Variants in PRH1 observed in about 807,000 individuals in gnomAD.
PRH1 encodes the protein salivary acidic proline-rich phosphoprotein 1/2.
PRH1 carries 7 observed loss-of-function variants against 7.9 expected under a neutral mutation model. That is an observed-to-expected ratio of 0.89 (90% CI 0.50 to 1.67). The LOEUF (loss-of-function observed/expected upper bound fraction) is 1.67, where lower values mean the gene tolerates loss of function less well. PRH1 is among the 40% of genes most tolerant of loss of function. The pLI, the probability that PRH1 is intolerant of heterozygous loss-of-function variation, is 0.00. For synonymous variants in PRH1, 45 were observed against 80.8 expected (o/e 0.56, Z 2.38); for missense variants, 109 against 223.6 (o/e 0.49, Z 3.27).
intron 1 of PRH1, among the ~76,000 whole-genome samples, chr12:11,090,145 A>G (rs1466212198): frequency 6.7e-5 from 7 of 105,028 alleles, no homozygotes; most frequent in South Asian, 2.6e-4. Context: ...AGAACTTCCT[A>G]TTAAAGAATA....
intron 1 of PRH1, among the ~76,000 whole-genome samples, chr12:11,062,504 T>G (rs1022047898): frequency 1.3e-5 from 2 of 152,084 alleles, no homozygotes; most frequent in African/African-American, 4.8e-5. Context: ...ATGGAAAATA[T>G]TCTTATTTTC....
chr12:10,965,393 A>G, intron 2 of PRH1: 1 of 848,480 alleles, frequency 1.2e-6, no homozygotes, highest in Non-Finnish European at 1.7e-6. Flanking sequence ...AAGGCCTAAC[A>G]GCACTGGCTG....
chr12:11,012,322 A>G (rs1404638670), intron 1 of PRH1, among the ~76,000 whole-genome samples: 1 of 152,082 alleles, frequency 6.6e-6, no homozygotes, highest in African/African-American at 2.4e-5. Context: ...AGGAAGCCAG[A>G]TTTTCTGCTT....
At chr12:11,144,088 T>C in intron 1 of PRH1, among the ~76,000 whole-genome samples, 1 of 152,136 alleles carries the variant, frequency 6.6e-6, no homozygotes, top group East Asian at 1.9e-4. Context: ...GGTGGTGCTT[T>C]CCAGAAAGCA....
chr12:11,148,479 TGA>T (rs1946944156), intron 1 of PRH1, among the ~76,000 whole-genome samples: 1 of 147,268 alleles, frequency 6.8e-6, no homozygotes, highest in African/African-American at 2.5e-5. Context: ...CCTAATTTAT[TGA>T]GAGTTTTTAG....
At chr12:10,963,383 ATT>A (rs773076503) in intron 2 of PRH1, among the ~76,000 whole-genome samples, 2 of 152,170 alleles carry the variant, frequency 1.3e-5, no homozygotes, top group Non-Finnish European at 2.9e-5. Flanking sequence ...TCATTTTAGA[ATT>A]TGCAGAAAGT....
upstream of PRH1, among the ~76,000 whole-genome samples, chr12:10,888,244 A>C (rs1314675466): frequency 6.6e-6 from 1 of 152,202 alleles, no homozygotes; most frequent in Non-Finnish European, 1.5e-5. Flanking sequence ...ACCTTTCTAA[A>C]TTCAGGTCAA....
chr12:11,112,029 A>T (rs35376087), intron 1 of PRH1, among the ~76,000 whole-genome samples: 44,030 of 152,106 alleles, frequency 0.29, 8,253 homozygotes, highest in East Asian at 0.74. Context: ...AAACACCTCT[A>T]TGCAAATACG....
At chr12:10,908,975 C>T (rs1253320509) in intron 2 of PRH1, 1 of 1,613,634 alleles carries the variant, frequency 6.2e-7, no homozygotes, top group African/African-American at 1.3e-5. Context: ...CTATTTTGAG[C>T]AAATAAAAGA....
intron 2 of PRH1, chr12:10,964,887 T>G (rs1050465000): frequency 3.5e-6 from 2 of 564,724 alleles, no homozygotes; most frequent in Admixed American, 4.6e-5. Flanking sequence ...TCATATTCTT[T>G]TGTCCACATA....
chr12:10,883,187 C>T (rs1949436082), intron 1 of PRH1, 91 bp from the exon 2 acceptor site: 2 of 1,394,510 alleles, frequency 1.4e-6, no homozygotes, highest in Middle Eastern at 2.4e-4. Context: ...CCTCTGATCA[C>T]ACCCTGTGCA....
rs570469246 is a variant in PRH1 at position 11,152,324 on chromosome 12, G to A, written n.39+19098C>T. ...ACAACTCTTTTGGAAAAGATAATTT[G>A]TGAGATAGTATAATAATACAAGAAA... On this transcript the variant is annotated intron_variant and non_coding_transcript_variant, in intron 1 of 1. Coordinates refer to the PRH1 transcript ENST00000541175. 4.9e-3 allele frequency among the ~76,000 whole-genome samples: 540 copies of A among 110,302 alleles called. 4 individuals are homozygous for A. Among genetic ancestry groups the A allele is most frequent in the African/African-American group, 0.016 (512 of 32,856 alleles). The allele number at this position is 110,302 out of a possible 152,430, so 72.4% of individuals were successfully genotyped here. A position where few individuals can be genotyped will look rare whatever the true frequency, so the allele number is the denominator to read the frequency against.
At chr12:11,049,571 T>C (rs1943057050), upstream of PRH1, among the ~76,000 whole-genome samples, 1 of 152,222 alleles carries the variant, frequency 6.6e-6, no homozygotes, top group South Asian at 2.1e-4. Flanking sequence ...TAAATTCTCA[T>C]GTGTTAGTAT....
intron 1 of PRH1, among the ~76,000 whole-genome samples, chr12:10,974,234 T>C (rs1454337271): frequency 1.3e-5 from 2 of 152,222 alleles, no homozygotes; most frequent in Non-Finnish European, 2.9e-5. Flanking sequence ...CCAATGTCCA[T>C]ATAGAGGCTA....
chr12:10,932,184 G>A, intron 2 of PRH1: 1 of 427,500 alleles, frequency 2.3e-6, no homozygotes, highest in South Asian at 1.6e-5. Flanking sequence ...GACATTTCCT[G>A]CCATGTCAAG....
intron 2 of PRH1, chr12:10,909,335 C>T (rs1949860959): frequency 6.9e-7 from 1 of 1,448,372 alleles, no homozygotes; most frequent in Non-Finnish European, 9.6e-7. Flanking sequence ...AATGTCACTG[C>T]TGGTTATTCA....
intron 1 of PRH1, among the ~76,000 whole-genome samples, chr12:11,107,748 A>G (rs35034090): frequency 0.21 from 32,209 of 152,188 alleles, 4,005 homozygotes; most frequent in Non-Finnish European, 0.27. Context: ...ACCAACATTC[A>G]TGGTCAATTG....
chr12:11,014,329 A>T (rs2136049053), intron 1 of PRH1, among the ~76,000 whole-genome samples: 1 of 152,328 alleles, frequency 6.6e-6, no homozygotes, highest in East Asian at 1.9e-4. Context: ...GGATAAAATC[A>T]GGAGAGGGCA....
intron 1 of PRH1, among the ~76,000 whole-genome samples, chr12:11,058,510 T>G (rs1020172205): frequency 1.3e-5 from 2 of 152,298 alleles, no homozygotes; most frequent in African/African-American, 4.8e-5. Context: ...TACTGGGATT[T>G]TGGAGCCAAC....
Sources: allele counts gnomAD v4.1 joint callset (sites outside exome capture counted in the v4.1 genomes callset), GRCh38; gene constraint gnomAD v4.1.1; transcripts MANE v1.5; gene names NCBI Gene and HGNC (gene_info 2026-07-23, HGNC 2026-07-21).